IBTK: variants seen among roughly 807,000 people sequenced by gnomAD.
IBTK encodes BTK-binding protein.
A neutral mutation model predicts 154.9 loss-of-function variants in IBTK; 83 were observed. That is an observed-to-expected ratio of 0.54 (90% confidence interval 0.45 to 0.64). IBTK has a LOEUF of 0.64. IBTK is among the 30% of genes least tolerant of loss of function. IBTK has a pLI of 0.00. For missense variants in IBTK, 1,332 were observed against 1,584.6 expected (o/e 0.84, Z 2.71); for synonymous variants, 515 against 536.1 (o/e 0.96, Z 0.54).
chr6:82,200,441 A>T, intron 20 of IBTK, 146 bp downstream of exon 20: 1 of 799,142 alleles, frequency 1.3e-6, no homozygotes, highest in Non-Finnish European at 1.9e-6. Context: ...GAGCGTAACT[A>T]CCTATTTCTT....
rs1768776738 is a variant in IBTK at position 82,191,728 on chromosome 6, T to C, written c.3431+59A>G. On this transcript the variant is annotated intron_variant, in intron 24 of 28. Coordinates refer to ENST00000306270, the MANE Select transcript of IBTK (RefSeq NM_015525.4). ...TAATAAGAAAGATGCAGTAAGTCTG[T>C]CCAATTCTTAGGGCAGAAATACAAC... 5 of 1,020,008 alleles carry C rather than the reference T, an allele frequency of 4.9e-6. No individual in the cohort carries two copies. The Admixed American group carries it at 6.8e-5, about 14-fold the overall frequency. The allele number at this position is 1,020,008 out of a possible 1,614,324, so 63.2% of individuals were successfully genotyped here.
Position 82,240,360 on chromosome 6 carries a change from T to G in IBTK, c.127A>C (p.Asn43His), listed in dbSNP as rs889716728. 6 of 1,614,188 alleles carry G rather than the reference T, an allele frequency of 3.7e-6. No individual in the cohort carries two copies. The highest frequency in any genetic ancestry group is 5.1e-6 in the Non-Finnish European group (6 of 1,180,042). Reference sequence around the variant, plus strand: ...AAAACATCCTTGATAGTTGCAGCATTGTAACAATGACTGGAGAGAAAGGCC... The same window carrying G: ...AAAACATCCTTGATAGTTGCAGCATGGTAACAATGACTGGAGAGAAAGGCC... ...IKAFLSSHCY[N>H]AATIKDVFGR... Residue 43 changes from asparagine to histidine, a missense_variant, in exon 2 of 29, where the codon AAT becomes CAT. By Grantham distance (68) the Asn-to-His change is moderately conservative. Transcript: ENST00000306270.
intron 16 of IBTK, among the ~76,000 whole-genome samples, chr6:82,206,948 G>GCAACTAC (rs1769437685): frequency 6.6e-6 from 1 of 151,926 alleles, no homozygotes; most frequent in Admixed American, 6.6e-5. Context: ...CTGATAAATG[G>GCAACTAC]CAACTACAAA....
chr6:82,224,298 T>A (rs1463878121), intron 6 of IBTK, 113 bp from the exon 7 acceptor site: 1 of 734,628 alleles, frequency 1.4e-6, no homozygotes, highest in African/African-American at 1.7e-5. Context: ...AGTGGTCCAC[T>A]CAAGTGCAAT....
chr6:82,237,680 G>A (rs1184240963), intron 2 of IBTK, among the ~76,000 whole-genome samples: 1 of 149,632 alleles, frequency 6.7e-6, no homozygotes, highest in Non-Finnish European at 1.5e-5. Context: ...AGTAGTAGTA[G>A]TAGTAGTAGT....
At position 82,200,753 on chromosome 6, in the gene IBTK, GTTTTTTTTT is replaced by G. The variant is rs138809525; in HGVS notation, c.2791-54_2791-46del. 1,621 of 393,126 alleles carry G rather than the reference GTTTTTTTTT, an allele frequency of 4.1e-3. 2 individuals are homozygous for G. Among genetic ancestry groups the G allele is most frequent in the East Asian group, 0.013 (86 of 6,742 alleles). 24.4% of individuals were successfully genotyped at this position (393,126 alleles called of 1,614,324 possible). On this transcript the variant is annotated intron_variant, in intron 19 of 28. Transcript: ENST00000306270. ...ACTTTTCAAATACAAAATCTGTGAA[GTTTTTTTTT>G]TTTTTTTTTTTTTTTTTTTGTGCAC...
rs945933401 is a variant in IBTK at position 82,172,466 on chromosome 6, C to T, written c.3844G>A (p.Val1282Ile). Residue 1282 changes from valine (V) to isoleucine (I), a missense_variant, in exon 28 of 29, where the codon GTC (valine) becomes ATC (isoleucine). Val to Ile is a conservative substitution (Grantham distance 29). Transcript: ENST00000306270. ...SVTAPSMVAPVTFASIVEEEL... is the reference protein window; with the variant it reads ...SVTAPSMVAPITFASIVEEEL... ...TCTTCTACAATAGATGCAAAAGTGA[C>T]TGGGGCTACCATGGATGGAGCAGTC... 6.2e-7 allele frequency: 1 copy of T among 1,613,860 alleles called. No individual in the cohort carries two copies. Among genetic ancestry groups the T allele is most frequent in the Non-Finnish European group, 8.5e-7 (1 of 1,179,788 alleles).
intron 1 of IBTK, among the ~76,000 whole-genome samples, chr6:82,241,650 A>G (rs948924381): frequency 6.6e-6 from 1 of 152,266 alleles, no homozygotes; most frequent in Non-Finnish European, 1.5e-5. Context: ...ACAAAGTACA[A>G]AACACCTTTC....
At chr6:82,194,665 A>G (rs1768913519) in intron 22 of IBTK, 23 bp from the exon 23 acceptor site, 3 of 1,545,804 alleles carry the variant, frequency 1.9e-6, no homozygotes, top group Non-Finnish European at 2.6e-6. Flanking sequence ...AAAAAATAAA[A>G]AAAGTTAACA....
In IBTK at chr6:82,200,626, A is replaced by G. The variant is rs1012878898; in HGVS notation, c.2873T>C (p.Ile958Thr). 3.8e-6 allele frequency: 6 copies of G among 1,592,700 alleles called. No individual in the cohort carries two copies. Among genetic ancestry groups the G allele is most frequent in the African/African-American group, 1.4e-5 (1 of 73,472 alleles). The change falls in exon 20 of 29, where the codon ATC becomes ACC. Residue 958 changes from isoleucine to threonine, a missense_variant. By Grantham distance (89) the Ile-to-Thr change is moderately conservative. Coordinates refer to ENST00000306270, the MANE Select transcript of IBTK (RefSeq NM_015525.4). ...ISYLEVEDGD[I>T]FLKEEINMEQ... ...CATATTTATTTCTTCTTTCAAGAAG[A>G]TATCTCCATCTTCTACTTCCAAATA...
chr6:82,191,075 T>C lies in IBTK; in HGVS notation c.3573A>G (p.Ala1191=). The change falls in exon 25 of 29, where the codon GCA becomes GCG. Residue 1191 remains alanine (A), a splice_region_variant and synonymous_variant. Coordinates refer to ENST00000306270, the MANE Select transcript of IBTK (RefSeq NM_015525.4). The part of the protein sequence containing the change: ...TPSKAPKPVN[A]WASSLHSVSS... Reference sequence around the variant, plus strand: ...TTTTAATAAAAATAAGAGCATACCATGCATTCACTGGTTTGGGGGCTTTTG... The same window carrying C: ...TTTTAATAAAAATAAGAGCATACCACGCATTCACTGGTTTGGGGGCTTTTG... The C allele has an allele frequency of 6.5e-7, 1 of 1,543,628 alleles. No individual in the cohort carries two copies. Among genetic ancestry groups the C allele is most frequent in the South Asian group, 1.2e-5 (1 of 80,698 alleles).
chr6:82,232,890 T>C (rs1770561738), intron 3 of IBTK, among the ~76,000 whole-genome samples: 1 of 152,032 alleles, frequency 6.6e-6, no homozygotes, highest in Non-Finnish European at 1.5e-5. Flanking sequence ...CAGTGGTTCA[T>C]GCCTGTAATC....
intron 26 of IBTK, 22 bp from the exon 27 acceptor site, chr6:82,173,460 T>C (rs1366232857): frequency 1.3e-6 from 2 of 1,590,224 alleles, no homozygotes; most frequent in Middle Eastern, 1.7e-4. Context: ...ATGCCAAAAT[T>C]AAAGATTAAA....
At chr6:82,238,958 C>T (rs1442559447) in intron 2 of IBTK, among the ~76,000 whole-genome samples, 2 of 151,268 alleles carry the variant, frequency 1.3e-5, no homozygotes, top group African/African-American at 4.9e-5. Context: ...AGGCTTGTCT[C>T]GAACTCATAA....
In IBTK at chr6:82,204,834, T is replaced by C. The variant is rs780500332; in HGVS notation, c.2611+23A>G. 10 of 1,347,450 alleles carry C rather than the reference T, an allele frequency of 7.4e-6. No homozygotes were observed. The East Asian group carries it at 9.3e-5, about 13-fold the overall frequency. The allele number at this position is 1,347,450 out of a possible 1,614,324, so 83.5% of individuals were successfully genotyped here. ...CTTGATGAACCTGAAAACATATTAA[T>C]ATTCAAACTCAAAATTACTCACGTT... is the stretch of plus-strand genomic sequence containing the variant. On this transcript the variant is annotated intron_variant, in intron 17 of 28. Transcript: ENST00000306270.
intron 1 of IBTK, among the ~76,000 whole-genome samples, chr6:82,245,565 AAG>A (rs1391086426): frequency 2.0e-5 from 3 of 152,150 alleles, no homozygotes; most frequent in Admixed American, 6.5e-5. Flanking sequence ...TAAAAAAAAA[AAG>A]AGTACCATAT....
At position 82,211,660 on chromosome 6, in the gene IBTK, T is replaced by C; in HGVS notation, c.2292-88A>G. ...TAGGATTTGGCTTAACTTTCAGTTTTCTCTTAAAGGTGGCAGAGAATAAAT... is the reference window on the plus strand; with the variant it reads ...TAGGATTTGGCTTAACTTTCAGTTTCCTCTTAAAGGTGGCAGAGAATAAAT... On this transcript the variant is annotated intron_variant, in intron 13 of 28. Coordinates refer to ENST00000306270, the MANE Select transcript of IBTK (RefSeq NM_015525.4). The C allele has an allele frequency of 3.0e-6, 3 of 989,350 alleles. No individual in the cohort carries two copies. In the Admixed American group the frequency reaches 5.9e-5, roughly 20 times the overall value. The allele number at this position is 989,350 out of a possible 1,614,324, so 61.3% of individuals were successfully genotyped here. A position where few individuals can be genotyped will look rare whatever the true frequency, so the allele number is the denominator to read the frequency against.
At chr6:82,204,742 C>T (rs1370933859) in intron 17 of IBTK, 115 bp downstream of exon 17, 2 of 496,048 alleles carry the variant, frequency 4.0e-6, no homozygotes, top group Non-Finnish European at 7.0e-6. Context: ...GGCAGGTTTT[C>T]GTGGTACCAA....
chr6:82,237,529 T>C lies in IBTK; in HGVS notation c.321+2637A>G, dbSNP rs900379235. Among the ~76,000 whole-genome samples, 9 of 151,164 alleles carry C rather than the reference T, an allele frequency of 6.0e-5. No individual in the cohort carries two copies. The East Asian group carries it at 7.9e-4, about 13-fold the overall frequency. ...TCAAGATTTAATAATTTGTCCACGATGATTCACTAAGTAGTAGTAGTAGCA... is the reference window on the plus strand; with the variant it reads ...TCAAGATTTAATAATTTGTCCACGACGATTCACTAAGTAGTAGTAGTAGCA... On this transcript the variant is annotated intron_variant, in intron 2 of 28. Coordinates refer to ENST00000306270, the MANE Select transcript of IBTK (RefSeq NM_015525.4).
Sources: gnomAD v4.1 joint callset for allele counts (sites outside exome capture counted in the v4.1 genomes callset) on GRCh38, gnomAD v4.1.1 for gene constraint, MANE v1.5 for transcripts, NCBI Gene and HGNC (gene_info 2026-07-23, HGNC 2026-07-21) for gene names.